The following CCDC32 variants were observed in gnomAD, a reference collection of about 807,000 sequenced individuals.
The protein encoded by CCDC32 is coiled-coil domain-containing protein 32.
In CCDC32, 9 loss-of-function variants were observed where a neutral mutation model predicts 20.1. That is an observed-to-expected ratio of 0.45 (90% CI 0.27 to 0.78). The LOEUF is 0.78. CCDC32 is among the 30% of genes least tolerant of loss of function. The probability of loss-of-function intolerance (pLI) is 0.16; values close to 1 mark genes in which losing one functional copy is unlikely to be tolerated. For missense variants in CCDC32, 204 were observed against 215.5 expected (o/e 0.95, Z 0.33); for synonymous variants, 63 against 79.0 (o/e 0.80, Z 1.07).
chr15:40,525,527 CT>C (rs1894890579), downstream of CCDC32, among the ~76,000 whole-genome samples: 1 of 152,152 alleles, frequency 6.6e-6, no homozygotes, highest in Admixed American at 6.5e-5. Flanking sequence ...AAAAGTCCTT[CT>C]AAATATTCTA....
At chr15:40,557,074 T>C (rs1890291996) in intron 3 of CCDC32, 142 bp downstream of exon 3, 3 of 889,620 alleles carry the variant, frequency 3.4e-6, no homozygotes, top group Admixed American at 6.4e-5. Context: ...TTAACTCTAT[T>C]CAATCTGTGA....
intron 3 of CCDC32, among the ~76,000 whole-genome samples, chr15:40,540,841 G>A (rs1365676045): frequency 6.6e-6 from 1 of 152,132 alleles, no homozygotes; most frequent in African/African-American, 2.4e-5. Flanking sequence ...TGCCAGCCTG[G>A]AGCGTCCATT....
intron 3 of CCDC32, 53 bp downstream of exon 3, chr15:40,557,163 G>A: frequency 6.5e-7 from 1 of 1,544,164 alleles, no homozygotes; most frequent in Non-Finnish European, 8.7e-7. Flanking sequence ...AAAACAAATA[G>A]AACAACTACA....
At chr15:40,556,643 GC>G (rs1290525147) in intron 3 of CCDC32, 1 of 152,308 alleles carries the variant, frequency 6.6e-6, no homozygotes, top group Non-Finnish European at 1.5e-5. Context: ...TTTGAGACCA[GC>G]CTGGCCAACA....
At chr15:40,535,168 G>A (rs757797392), downstream of CCDC32, 5 of 1,162,806 alleles carry the variant, frequency 4.3e-6, no homozygotes, top group East Asian at 2.6e-5. Flanking sequence ...TTAACGTGAC[G>A]GTGGCATATA....
downstream of CCDC32, among the ~76,000 whole-genome samples, chr15:40,552,155 G>C (rs1412285520): frequency 6.6e-6 from 1 of 150,644 alleles, no homozygotes; most frequent in Non-Finnish European, 1.5e-5. Flanking sequence ...AGGAGACCTT[G>C]TCTCAAAAAA....
downstream of CCDC32, chr15:40,535,284 T>C (rs1441103584): frequency 3.0e-6 from 4 of 1,330,266 alleles, no homozygotes; most frequent in Admixed American, 3.2e-5. Context: ...CAGCCCAAAC[T>C]GTATGAGCAC....
chr15:40,534,869 A>C (rs1201763204), downstream of CCDC32: 2 of 702,324 alleles, frequency 2.8e-6, no homozygotes, highest in African/African-American at 3.5e-5. Flanking sequence ...CACACAGTCC[A>C]TTGCACCATC....
In CCDC32 at chr15:40,557,273, A is replaced by G; in HGVS notation, c.344T>C (p.Phe115Ser). ...CTCTGAAGCTAACTTCTCCTGGAGG[A>G]ACCGATCCCAGCATTCCTTCTTGGC... ...AQAKKECWDR[F>S]LQEKLASEFF... Residue 115 changes from phenylalanine to serine, a missense_variant, in exon 3 of 4, where the codon TTC becomes TCC. Transcript: ENST00000416810. 2 of 1,614,216 alleles carry G rather than the reference A, an allele frequency of 1.2e-6. No homozygotes were observed.
At chr15:40,521,210 C>G in the CCDC32 span, among the ~76,000 whole-genome samples, 2 of 152,110 alleles carry the variant, frequency 1.3e-5, no homozygotes, top group African/African-American at 4.8e-5. Flanking sequence ...ATTTTCATCA[C>G]CCCCGAAAAA....
chr15:40,540,364 CTTTTT>C (rs1889335154), intron 3 of CCDC32, among the ~76,000 whole-genome samples: 1 of 147,528 alleles, frequency 6.8e-6, no homozygotes, highest in Non-Finnish European at 1.5e-5. Flanking sequence ...TTTTCTTTTT[CTTTTT>C]CTTTTTTTTT....
At chr15:40,535,286 T>C, downstream of CCDC32, 25 of 1,320,072 alleles carry the variant, frequency 1.9e-5, no homozygotes, top group Non-Finnish European at 2.4e-5. Flanking sequence ...GCCCAAACTG[T>C]ATGAGCACCT....
At chr15:40,525,659 T>C (rs1894891804), downstream of CCDC32, among the ~76,000 whole-genome samples, 1 of 152,202 alleles carries the variant, frequency 6.6e-6, no homozygotes, top group South Asian at 2.1e-4. Flanking sequence ...GACCTCACCC[T>C]GGCAGGCCAC....
At position 40,562,890 on chromosome 15, in the gene CCDC32, G is replaced by C; in HGVS notation, c.126C>G (p.Ser42=). 1 of 1,614,192 alleles carries C rather than the reference G, an allele frequency of 6.2e-7. No homozygotes were observed. The highest frequency in any genetic ancestry group is 8.5e-7 in the Non-Finnish European group (1 of 1,180,048). Residue 42 remains serine (S), a synonymous_variant, in exon 2 of 4, where the codon TCC becomes TCG. Coordinates refer to ENST00000416810, the MANE Select transcript of CCDC32 (RefSeq NM_001080792.4). ...CACCTTCAGGGCAAGAATCCACAAA[G>C]GAGTCTGAGAATGCATTGTTGGCAC... is the stretch of plus-strand genomic sequence containing the variant. The part of the protein sequence containing the change: ...EDGANNAFSD[S]FVDSCPEGEG...
downstream of CCDC32, among the ~76,000 whole-genome samples, chr15:40,530,308 A>AT (rs1481816012): frequency 1.3e-5 from 2 of 150,028 alleles, no homozygotes; most frequent in African/African-American, 4.9e-5. Context: ...AAAAAAAAAA[A>AT]AAGTGACCTC....
chr15:40,528,227 T>TGA (rs1894924616), downstream of CCDC32, among the ~76,000 whole-genome samples: 1 of 152,250 alleles, frequency 6.6e-6, no homozygotes, highest in African/African-American at 2.4e-5. Flanking sequence ...ACACTTGGTC[T>TGA]TCTTTCTCCC....
At position 40,557,378 on chromosome 15, in the gene CCDC32, G is replaced by T. The variant is rs1007163331; in HGVS notation, c.245-6C>A. 1.3e-6 allele frequency: 2 copies of T among 1,594,388 alleles called. No homozygotes were observed. Among genetic ancestry groups the T allele is most frequent in the African/African-American group, 2.7e-5 (2 of 73,900 alleles). ...GATTCTTCTTAGCTTCTTCTCTAGA[G>T]AGAGAAGTAGAGCTTAACAAGGAAA... On this transcript the variant is annotated splice_region_variant and splice_polypyrimidine_tract_variant and intron_variant, in intron 2 of 3. Transcript: ENST00000416810.
intron 2 of CCDC32, among the ~76,000 whole-genome samples, chr15:40,560,757 A>T (rs1890567222): frequency 6.6e-6 from 1 of 152,248 alleles, no homozygotes; most frequent in Non-Finnish European, 1.5e-5. Flanking sequence ...GAGAATCCTT[A>T]TACACTGCTG....
downstream of CCDC32, among the ~76,000 whole-genome samples, chr15:40,552,267 A>T (rs978527418): frequency 5.3e-5 from 8 of 152,074 alleles, no homozygotes; most frequent in African/African-American, 1.7e-4. Context: ...AGATCACCTG[A>T]GGTCAGGAGT....
Sources: gnomAD v4.1 joint callset for allele counts (sites outside exome capture counted in the v4.1 genomes callset) on GRCh38, gnomAD v4.1.1 for gene constraint, MANE v1.5 for transcripts, NCBI Gene and HGNC (gene_info 2026-07-23, HGNC 2026-07-21) for gene names.